Variants in GRIK1 observed in about 807,000 individuals in gnomAD.
GRIK1 encodes glutamate ionotropic receptor kainate type subunit 1.
A neutral mutation model predicts 105.7 loss-of-function variants in GRIK1; 69 were observed. The ratio of observed to expected loss-of-function variants is 0.65; its 90% CI spans 0.54 to 0.80. The LOEUF is 0.80. Ranked by LOEUF, GRIK1 falls within the 30% of genes least tolerant of loss-of-function variation. GRIK1 has a pLI of 0.00. For missense variants in GRIK1, 1,109 were observed against 1,167.3 expected, an observed-to-expected ratio of 0.95 and a Z score of 0.73; for synonymous variants, 438 against 431.3, an observed-to-expected ratio of 1.02 and a Z score of -0.19.
intron 1 of GRIK1, among the ~76,000 whole-genome samples, chr21:29,880,973 G>C (rs2069386073): frequency 6.6e-6 from 1 of 151,938 alleles, no homozygotes. Flanking sequence ...GCCCCAGGTT[G>C]GGTGCCACTG....
chr21:29,868,634 C>T (rs551951766), intron 1 of GRIK1, among the ~76,000 whole-genome samples: 6 of 152,290 alleles, frequency 3.9e-5, no homozygotes, highest in African/African-American at 1.2e-4. Context: ...CTCCTCTCTT[C>T]AGCCCTCCTA....
intron 1 of GRIK1, among the ~76,000 whole-genome samples, chr21:29,707,669 A>G (rs1325277095): frequency 6.6e-6 from 1 of 151,684 alleles, no homozygotes; most frequent in African/African-American, 2.4e-5. Context: ...CTAATTTTGT[A>G]TTTTTAGTAG....
rs1205512055 is a variant in GRIK1, at chr21:29,768,655, C to A, written c.119-74592G>T. Among the ~76,000 whole-genome samples, 11 of 152,328 alleles carry A rather than the reference C, an allele frequency of 7.2e-5. No homozygotes were observed. The East Asian group carries it at 1.9e-3, about 27-fold the overall frequency. ...GGGCATATGTGCAGGGGGGATGCCA[C>A]CTGAACCCCATGCTGCAGATCGGAG... On this transcript the variant is annotated intron_variant, in intron 1 of 17. Transcript: ENST00000327783.
chr21:29,807,066 T>C (rs2066881732), intron 1 of GRIK1, among the ~76,000 whole-genome samples: 1 of 152,192 alleles, frequency 6.6e-6, no homozygotes, highest in Non-Finnish European at 1.5e-5. Flanking sequence ...CTTCCGGCTC[T>C]TGAGGGCATT....
intron 1 of GRIK1, among the ~76,000 whole-genome samples, chr21:29,831,402 T>C (rs1429120481): frequency 6.6e-6 from 1 of 152,178 alleles, no homozygotes; most frequent in Non-Finnish European, 1.5e-5. Flanking sequence ...CTACCCCCTG[T>C]ATTCGTCCAT....
At chr21:29,687,822 G>A (rs769718838) in intron 3 of GRIK1, among the ~76,000 whole-genome samples, 12 of 152,120 alleles carry the variant, frequency 7.9e-5, no homozygotes, top group African/African-American at 2.4e-4. Context: ...CAATGCCTAC[G>A]TCTTTAGTTG....
At chr21:29,872,810 C>A (rs902397024) in intron 1 of GRIK1, among the ~76,000 whole-genome samples, 2 of 152,138 alleles carry the variant, frequency 1.3e-5, no homozygotes, top group Admixed American at 6.5e-5. Context: ...GGAAGACCCA[C>A]CCCCATCACT....
chr21:29,698,199 G>C (rs1000158271), intron 1 of GRIK1, among the ~76,000 whole-genome samples: 8 of 152,044 alleles, frequency 5.3e-5, no homozygotes, highest in Non-Finnish European at 8.8e-5. Context: ...CCATTGGTTT[G>C]AGATGAGAAA....
At chr21:29,711,811 T>C (rs1390949975) in intron 1 of GRIK1, among the ~76,000 whole-genome samples, 1 of 152,102 alleles carries the variant, frequency 6.6e-6, no homozygotes, top group Non-Finnish European at 1.5e-5. Context: ...AAGTTAGACG[T>C]ATTTTTAAAC....
rs547544132 is a variant in GRIK1 at position 29,645,426 on chromosome 21, G to C, written c.955-2457C>G. ...ATTTGATAGAGAAGTATAAGGACTG[G>C]AATTCTAATAATCTGACTTTTCCAT... On this transcript the variant is annotated intron_variant, in intron 6 of 17. Coordinates refer to ENST00000327783, the MANE Select transcript of GRIK1 (RefSeq NM_001330994.2). Among the ~76,000 whole-genome samples, 3 of 152,266 alleles carry C rather than the reference G, an allele frequency of 2.0e-5. No homozygotes were observed. In the East Asian group the frequency reaches 5.8e-4, roughly 29 times the overall value.
chr21:29,689,703 G>A, intron 3 of GRIK1, 25 bp downstream of exon 3: 2 of 1,608,340 alleles, frequency 1.2e-6, no homozygotes, highest in Non-Finnish European at 1.7e-6. Context: ...ACATGGTCGG[G>A]TGAGGTCTTG....
At chr21:29,868,216 C>T (rs1291858241) in intron 1 of GRIK1, among the ~76,000 whole-genome samples, 2 of 152,172 alleles carry the variant, frequency 1.3e-5, no homozygotes, top group East Asian at 1.9e-4. Context: ...CAGTGAACAT[C>T]GATGTTTTCC....
At chr21:29,611,624 A>G (rs549588689) in intron 7 of GRIK1, among the ~76,000 whole-genome samples, 1 of 152,226 alleles carries the variant, frequency 6.6e-6, no homozygotes, top group Admixed American at 6.5e-5. Context: ...CAGTTTATTG[A>G]GAGGAAAGAG....
chr21:29,878,693 A>G (rs998427888), intron 1 of GRIK1, among the ~76,000 whole-genome samples: 4 of 152,194 alleles, frequency 2.6e-5, no homozygotes, highest in African/African-American at 9.6e-5. Context: ...TGTAAAAAAG[A>G]CCCTAGAGAG....
chr21:29,937,912 T>C (rs2409355), intron 1 of GRIK1, among the ~76,000 whole-genome samples: 103,713 of 151,786 alleles, frequency 0.68, 35,648 homozygotes, highest in East Asian at 0.83. Context: ...GTAGTAAGTT[T>C]TTTTTTAAAA....
intron 1 of GRIK1, among the ~76,000 whole-genome samples, chr21:29,908,034 A>C (rs2070702774): frequency 6.6e-6 from 1 of 152,134 alleles, no homozygotes; most frequent in Non-Finnish European, 1.5e-5. Context: ...AAGTGGTCCC[A>C]TTGGTCTTGT....
At chr21:29,819,517 T>A (rs2067241988) in intron 1 of GRIK1, among the ~76,000 whole-genome samples, 1 of 152,014 alleles carries the variant, frequency 6.6e-6, no homozygotes, top group South Asian at 2.1e-4. Context: ...GACTTTAGAT[T>A]TTCTTCTTTC....
At chr21:29,707,450 C>CCCTCCCTTCCTTCCTTCCTTCCTTCCTT (rs1555875924) in intron 1 of GRIK1, among the ~76,000 whole-genome samples, 1 of 71,578 alleles carries the variant, frequency 1.4e-5, no homozygotes, top group Non-Finnish European at 2.7e-5. Flanking sequence ...CTCCCTCCCT[C>CCCTCCCTTCCTTCCTTCCTTCCTTCCTT]CCTCCCTCCC....
chr21:29,912,431 CTCA>C (rs2070850420), intron 1 of GRIK1, among the ~76,000 whole-genome samples: 1 of 152,052 alleles, frequency 6.6e-6, no homozygotes, highest in Non-Finnish European at 1.5e-5. Flanking sequence ...TCCAAGCTCT[CTCA>C]TCAGTAAATA....
Sources: allele counts gnomAD v4.1 joint callset (sites outside exome capture counted in the v4.1 genomes callset), GRCh38; gene constraint gnomAD v4.1.1; transcripts MANE v1.5; gene names NCBI Gene and HGNC (gene_info 2026-07-23, HGNC 2026-07-21).